TG: variants seen among roughly 807,000 people sequenced by gnomAD.
The protein encoded by TG is thyroid hormones.
A neutral mutation model predicts 324.7 loss-of-function variants in TG; 270 were observed. The ratio of observed to expected loss-of-function variants is 0.83; its 90% CI spans 0.75 to 0.92. The LOEUF (loss-of-function observed/expected upper bound fraction) is 0.92, where lower values mean the gene tolerates loss of function less well. Among genes scored for constraint, TG ranks in the 40% least tolerant of loss-of-function variants. The pLI, the probability that TG is intolerant of heterozygous loss-of-function variation, is 0.00. For synonymous variants in TG, 1,401 were observed against 1,327.0 expected, an observed-to-expected ratio of 1.06 and a Z score of -1.21; for missense variants, 3,591 against 3,456.4, an observed-to-expected ratio of 1.04 and a Z score of -0.98.
At chr8:132,942,994 C>T (rs531870938) in intron 26 of TG, among the ~76,000 whole-genome samples, 10 of 152,266 alleles carry the variant, frequency 6.6e-5, no homozygotes, top group South Asian at 4.1e-4. Context: ...GGTATCACCT[C>T]GAGGACTGTT....
At chr8:133,099,348 C>A (rs1202516775) in intron 43 of TG, among the ~76,000 whole-genome samples, 1 of 152,202 alleles carries the variant, frequency 6.6e-6, no homozygotes, top group East Asian at 1.9e-4. Flanking sequence ...CTTTTGTGAG[C>A]CTGCATCCTG....
At chr8:132,884,456 G>GT (rs1815106189) in intron 8 of TG, among the ~76,000 whole-genome samples, 2 of 152,136 alleles carry the variant, frequency 1.3e-5, no homozygotes, top group African/African-American at 4.8e-5. Context: ...CCAATGCAGG[G>GT]TTTTTTATAG....
chr8:133,042,552 A>C (rs972503929), intron 41 of TG, among the ~76,000 whole-genome samples: 18 of 152,218 alleles, frequency 1.2e-4, no homozygotes, highest in Admixed American at 1.3e-4. Context: ...CCCATGTTGT[A>C]AGTAAAAAAA....
Position 132,881,961 on chromosome 8 carries a change from C to G in TG, c.737C>G (p.Ala246Gly). The G allele has an allele frequency of 1.9e-6, 3 of 1,611,624 alleles. No individual in the cohort carries two copies. Among genetic ancestry groups the G allele is most frequent in the Non-Finnish European group, 2.5e-6 (3 of 1,177,720 alleles). ...GCTGACAGCCAAGGGCGGGAACTGGCTGAGACAGGTGAGTGATACCCCTCA... is the reference window on the plus strand; with the variant it reads ...GCTGACAGCCAAGGGCGGGAACTGGGTGAGACAGGTGAGTGATACCCCTCA... ...HCADSQGREL[A>G]ETGLELLLDE... The change falls in exon 6 of 48, where the codon GCT becomes GGT. Residue 246 changes from alanine (A) to glycine (G), a missense_variant. Coordinates refer to ENST00000220616, the MANE Select transcript of TG (RefSeq NM_003235.5).
At chr8:133,059,360 G>T (rs547853759) in intron 41 of TG, among the ~76,000 whole-genome samples, 1 of 152,308 alleles carries the variant, frequency 6.6e-6, no homozygotes, top group Admixed American at 6.5e-5. Context: ...ATTAGAAGGG[G>T]CCAGCATAGC....
chr8:132,880,379 T>G (rs1814480285), intron 5 of TG, among the ~76,000 whole-genome samples: 2 of 152,220 alleles, frequency 1.3e-5, no homozygotes, highest in African/African-American at 4.8e-5. Flanking sequence ...GCTCAGTAAA[T>G]AAAAGTTATT....
At chr8:133,067,703 G>T (rs879494387) in intron 41 of TG, among the ~76,000 whole-genome samples, 16 of 152,150 alleles carry the variant, frequency 1.1e-4, no homozygotes, top group Admixed American at 8.5e-4. Flanking sequence ...TTGAACCCGT[G>T]AGGCAGAGGC....
intron 35 of TG, among the ~76,000 whole-genome samples, chr8:133,005,190 G>A (rs1413162425): frequency 6.6e-6 from 1 of 152,170 alleles, no homozygotes; most frequent in Non-Finnish European, 1.5e-5. Context: ...TGAAAACTGA[G>A]GCCCAGCCCA....
intron 41 of TG, among the ~76,000 whole-genome samples, chr8:133,068,274 C>A (rs1346004127): frequency 6.6e-6 from 1 of 152,208 alleles, no homozygotes; most frequent in African/African-American, 2.4e-5. Context: ...AGGCTGCAGA[C>A]CTGACCCACA....
chr8:133,088,518 G>A (rs894086380), intron 41 of TG, among the ~76,000 whole-genome samples: 2 of 152,140 alleles, frequency 1.3e-5, no homozygotes, highest in African/African-American at 2.4e-5. Context: ...GTAAAATAGG[G>A]ATTCTAATAT....
In TG at chr8:133,016,136, A is replaced by G. The variant is rs539442210; in HGVS notation, c.6563-1642A>G. ...GCAGAAAGACTGTAAAGTTTTTCCAATAACTAGCTGTTCCATAAGCATAAA... is the reference window on the plus strand; with the variant it reads ...GCAGAAAGACTGTAAAGTTTTTCCAGTAACTAGCTGTTCCATAAGCATAAA... On this transcript the variant is annotated intron_variant, in intron 37 of 47. Transcript: ENST00000220616. 3.9e-5 allele frequency among the ~76,000 whole-genome samples: 6 copies of G among 152,312 alleles called. 1 individual carries two copies. Among genetic ancestry groups the G allele is most frequent in the Middle Eastern group, 3.4e-3 (1 of 294 alleles).
chr8:133,114,366 A>G (rs1300265114), intron 44 of TG, among the ~76,000 whole-genome samples: 1 of 152,130 alleles, frequency 6.6e-6, no homozygotes. Flanking sequence ...TGCTGTCCCC[A>G]GGGTCCCTCT....
chr8:132,917,629 G>A (rs1563952791), intron 20 of TG, among the ~76,000 whole-genome samples: 1 of 152,032 alleles, frequency 6.6e-6, no homozygotes, highest in African/African-American at 2.4e-5. Context: ...CTGGAGATGG[G>A]ACCATGGAAG....
intron 40 of TG, among the ~76,000 whole-genome samples, chr8:133,029,131 A>G (rs1414694668): frequency 2.6e-5 from 4 of 152,216 alleles, no homozygotes; most frequent in African/African-American, 9.6e-5. Flanking sequence ...GCAAGGATCT[A>G]CTGAATTCAC....
chr8:132,889,779 A>G (rs550390754), intron 10 of TG, among the ~76,000 whole-genome samples: 1 of 152,066 alleles, frequency 6.6e-6, no homozygotes, highest in Non-Finnish European at 1.5e-5. Context: ...TAGTAACTTT[A>G]TTTTATTTTA....
chr8:133,126,370 C>T (rs1052027474), intron 45 of TG, among the ~76,000 whole-genome samples: 1 of 152,122 alleles, frequency 6.6e-6, no homozygotes, highest in African/African-American at 2.4e-5. Flanking sequence ...AAGCACACAA[C>T]ACAGTTATTG....
At chr8:133,099,190 G>A (rs1053097317) in intron 43 of TG, among the ~76,000 whole-genome samples, 12 of 152,344 alleles carry the variant, frequency 7.9e-5, no homozygotes, top group Non-Finnish European at 1.6e-4. Flanking sequence ...CAGAGCAGCT[G>A]CTAGCCCTGC....
intron 41 of TG, among the ~76,000 whole-genome samples, chr8:133,071,729 C>T (rs529559409): frequency 5.9e-5 from 9 of 152,056 alleles, no homozygotes; most frequent in East Asian, 3.9e-4. Flanking sequence ...TAAATGAAAC[C>T]GACTGCACTG....
At chr8:133,100,959 C>T (rs545193331) in intron 43 of TG, among the ~76,000 whole-genome samples, 2 of 134,214 alleles carry the variant, frequency 1.5e-5, no homozygotes, top group South Asian at 2.4e-4. Flanking sequence ...GTATTTAACA[C>T]GATTTTTTTT....
Sources: allele counts gnomAD v4.1 joint callset (sites outside exome capture counted in the v4.1 genomes callset), GRCh38; gene constraint gnomAD v4.1.1; transcripts MANE v1.5; gene names NCBI Gene and HGNC (gene_info 2026-07-23, HGNC 2026-07-21).